The following STXBP3 variants were observed in gnomAD, a reference collection of about 807,000 sequenced individuals.
STXBP3 encodes the protein syntaxin-binding protein 3.
STXBP3 carries 41 observed loss-of-function variants against 85.7 expected under a neutral mutation model. The observed-to-expected ratio is 0.48, with a 90% CI of 0.37 to 0.62. The LOEUF (loss-of-function observed/expected upper bound fraction) is 0.62. Ranked by LOEUF, STXBP3 falls within the 20% of genes least tolerant of loss-of-function variation. The pLI is 0.00. For missense variants in STXBP3, 563 were observed against 703.1 expected, an observed-to-expected ratio of 0.80 and a Z score of 2.25; for synonymous variants, 229 against 231.7, an observed-to-expected ratio of 0.99 and a Z score of 0.10.
chr1:108,808,305 A>G (rs540375972), intron 18 of STXBP3, among the ~76,000 whole-genome samples: 38 of 152,310 alleles, frequency 2.5e-4, no homozygotes, highest in African/African-American at 8.2e-4. Context: ...TGAGGCCAGG[A>G]GTTTGAAACC....
At chr1:108,773,578 G>T (rs899659013) in intron 7 of STXBP3, among the ~76,000 whole-genome samples, 1 of 152,158 alleles carries the variant, frequency 6.6e-6, no homozygotes, top group African/African-American at 2.4e-5. Flanking sequence ...AGGCTCATTA[G>T]AAGGATGGCC....
At chr1:108,773,718 A>C (rs1480913843) in intron 7 of STXBP3, among the ~76,000 whole-genome samples, 1 of 152,132 alleles carries the variant, frequency 6.6e-6, no homozygotes, top group Non-Finnish European at 1.5e-5. Flanking sequence ...ATGCCAGTTA[A>C]CCAAACATGC....
chr1:108,782,506 G>A lies in STXBP3; in HGVS notation c.894G>A (p.Ala298=), dbSNP rs745691924. Residue 298 remains alanine, a synonymous_variant, in exon 10 of 19, where the codon GCG becomes GCA. Transcript: ENST00000370008. The stretch of plus-strand genomic sequence containing the variant: ...TTAGAATTCGACATCGACATATTGC[G>A]GTTGTGTTAGAGTATGTGAACTCAT... The part of the protein sequence containing the change: ...LWVRIRHRHI[A]VVLEEIPKLM... The A allele has an allele frequency of 1.6e-5, 26 of 1,613,166 alleles. No homozygotes were observed. The highest frequency in any genetic ancestry group is 1.6e-4 in the Middle Eastern group (1 of 6,068).
intron 2 of STXBP3, 30 bp downstream of exon 2, chr1:108,752,336 AAAT>A: frequency 6.3e-7 from 1 of 1,599,604 alleles, no homozygotes; most frequent in Non-Finnish European, 8.5e-7. Flanking sequence ...CTCTTATAAA[AAAT>A]AATACAAACT....
chr1:108,748,168 C>T (rs1350012953), intron 1 of STXBP3, among the ~76,000 whole-genome samples: 1 of 152,024 alleles, frequency 6.6e-6, no homozygotes, highest in African/African-American at 2.4e-5. Flanking sequence ...GCTTCACAAT[C>T]TCGTAATTAA....
chr1:108,782,837 C>T (rs551448721), intron 11 of STXBP3, 131 bp downstream of exon 11: 57 of 695,510 alleles, frequency 8.2e-5, no homozygotes, highest in African/African-American at 4.6e-4. Context: ...TGAACTCCTA[C>T]GTACCCATTG....
intron 6 of STXBP3, among the ~76,000 whole-genome samples, chr1:108,762,554 A>T (rs1162344697): frequency 6.6e-6 from 1 of 152,058 alleles, no homozygotes; most frequent in Non-Finnish European, 1.5e-5. Flanking sequence ...TTATTTCAAT[A>T]TTTTAAAATA....
rs767425981 is a variant in STXBP3 at position 108,776,376 on chromosome 1, A to G, written c.637A>G (p.Lys213Glu). ...CAGTAAGCTTGCACAGCTTGTTGAA[A>G]AAAAGCTTGAAGACTACTACAAGAT... ...NASKLAQLVE[K>E]KLEDYYKIDE... The change falls in exon 8 of 19, where the codon AAA (lysine) becomes GAA (glutamate). Residue 213 changes from lysine (K) to glutamate (E), a missense_variant. By Grantham distance (56) the Lys-to-Glu change is moderately conservative (BLOSUM62 1). This residue lies in a region of STXBP3 where 494 missense variants were observed against 592.8 expected (regional missense o/e 0.83). Transcript: ENST00000370008. The G allele has an allele frequency of 1.9e-6, 3 of 1,609,732 alleles. No homozygotes were observed. Among genetic ancestry groups the G allele is most frequent in the Middle Eastern group, 3.3e-4 (2 of 6,038 alleles).
Position 108,800,214 on chromosome 1 carries a change from C to A in STXBP3, c.1450-6C>A, listed in dbSNP as rs199776830. The A allele has an allele frequency of 6.3e-7, 1 of 1,596,828 alleles. No homozygotes were observed. Among genetic ancestry groups the A allele is most frequent in the Non-Finnish European group, 8.6e-7 (1 of 1,164,730 alleles). ...TATTGATGGAATTAACTCTTTCCTT[C>A]CTTAGGATGCTATTGATAATAGATT... On this transcript the variant is annotated splice_polypyrimidine_tract_variant and splice_region_variant and intron_variant, in intron 16 of 18. Coordinates refer to ENST00000370008, the MANE Select transcript of STXBP3 (RefSeq NM_007269.4).
rs752824621 is a variant in STXBP3 at position 108,753,152 on chromosome 1, T to C, written c.181+8T>C. ...TAGAAGAAGGTATTACTGGTAAGTGTTATTCTTGGCATGAACACTTTTTAA... is the reference window on the plus strand; with the variant it reads ...TAGAAGAAGGTATTACTGGTAAGTGCTATTCTTGGCATGAACACTTTTTAA... On this transcript the variant is annotated splice_region_variant and intron_variant, in intron 3 of 18. Transcript: ENST00000370008. 8.4e-6 allele frequency: 13 copies of C among 1,548,508 alleles called. No homozygotes were observed. The highest frequency in any genetic ancestry group is 1.7e-4 in the Middle Eastern group (1 of 5,774).
intron 4 of STXBP3, 56 bp downstream of exon 4, chr1:108,756,822 G>A: frequency 7.4e-7 from 1 of 1,352,720 alleles, no homozygotes; most frequent in East Asian, 2.4e-5. Flanking sequence ...CATTGTTATG[G>A]TTTACTAACA....
intron 6 of STXBP3, among the ~76,000 whole-genome samples, chr1:108,762,695 C>A (rs1314124200): frequency 6.6e-6 from 1 of 152,076 alleles, no homozygotes; most frequent in Non-Finnish European, 1.5e-5. Flanking sequence ...TGAAGAACTG[C>A]TCACTTAATA....
chr1:108,787,834 G>C (rs771021812), intron 11 of STXBP3, among the ~76,000 whole-genome samples: 30 of 151,796 alleles, frequency 2.0e-4, no homozygotes, highest in South Asian at 6.3e-4. Context: ...CTGTCACCCA[G>C]GCTGGAGTGC....
chr1:108,808,552 C>G (rs764328611), intron 18 of STXBP3, among the ~76,000 whole-genome samples: 6 of 152,180 alleles, frequency 3.9e-5, no homozygotes, highest in Non-Finnish European at 8.8e-5. Flanking sequence ...ACAAAGTAGA[C>G]AAAGCACTAG....
chr1:108,807,596 G>C (rs1407956979), intron 18 of STXBP3, 47 bp downstream of exon 18: 1 of 1,356,942 alleles, frequency 7.4e-7, no homozygotes, highest in Non-Finnish European at 1.0e-6. Flanking sequence ...TTTTTTTTGA[G>C]ACTAAGTCTC....
At chr1:108,776,280 T>C (rs1276602999) in intron 7 of STXBP3, 53 bp from the exon 8 acceptor site, 1 of 1,194,668 alleles carries the variant, frequency 8.4e-7, no homozygotes, top group Non-Finnish European at 1.2e-6. Context: ...CATGATATTA[T>C]AAAGTATACA....
At chr1:108,780,764 C>CTTTTTTTTT (rs36126153) in intron 9 of STXBP3, 2 of 137,094 alleles carry the variant, frequency 1.5e-5, no homozygotes, top group Non-Finnish European at 3.1e-5. Context: ...TTTAAATTTA[C>CTTTTTTTTT]TTTTTTTTTT....
intron 15 of STXBP3, 144 bp from the exon 16 acceptor site, chr1:108,798,001 T>A: frequency 1.5e-6 from 1 of 648,286 alleles, no homozygotes. Flanking sequence ...TCAGATTTTT[T>A]AAAATAGGCA....
chr1:108,770,626 T>C (rs1273439302), intron 6 of STXBP3, among the ~76,000 whole-genome samples: 1 of 152,176 alleles, frequency 6.6e-6, no homozygotes, highest in Non-Finnish European at 1.5e-5. Flanking sequence ...GAGAAGTTTG[T>C]TCATAATTCA....
Sources: allele counts gnomAD v4.1 joint callset (sites outside exome capture counted in the v4.1 genomes callset), GRCh38; gene constraint gnomAD v4.1.1; regional missense constraint gnomAD v4.1.1; transcripts MANE v1.5; gene names NCBI Gene and HGNC (gene_info 2026-07-23, HGNC 2026-07-21).